The following EFCAB12 variants were observed in gnomAD, a reference collection of about 807,000 sequenced individuals.
The protein encoded by EFCAB12 is EF-hand calcium-binding domain-containing protein 12.
EFCAB12 carries 43 observed loss-of-function variants against 53.6 expected under a neutral mutation model. The observed-to-expected ratio is 0.80, with a 90% CI of 0.63 to 1.03. EFCAB12 has a LOEUF of 1.03. EFCAB12 is among the 50% of genes least tolerant of loss of function. The probability of loss-of-function intolerance (pLI) is 0.00; values close to 1 mark genes in which losing one functional copy is unlikely to be tolerated. For missense variants in EFCAB12, 646 were observed against 730.6 expected, an observed-to-expected ratio of 0.88 and a Z score of 1.34; for synonymous variants, 269 against 289.2, an observed-to-expected ratio of 0.93 and a Z score of 0.71.
chr3:129,427,091 C>G (rs2072282448), intron 1 of EFCAB12, among the ~76,000 whole-genome samples: 1 of 152,180 alleles, frequency 6.6e-6, no homozygotes, highest in South Asian at 2.1e-4. Flanking sequence ...TCGTGATCCA[C>G]CCACCTCAGC....
intron 4 of EFCAB12, chr3:129,411,736 C>T (rs1330584783): frequency 6.2e-6 from 1 of 161,738 alleles, no homozygotes; most frequent in Non-Finnish European, 1.3e-5. Flanking sequence ...AGATCGAGAC[C>T]ATCCTGGCTA....
At position 129,421,808 on chromosome 3, in the gene EFCAB12, G is replaced by A. The variant is rs1287626595; in HGVS notation, c.50-5C>T. The A allele has an allele frequency of 6.2e-7, 1 of 1,600,454 alleles. No homozygotes were observed. The highest frequency in any genetic ancestry group is 1.1e-5 in the South Asian group (1 of 90,362). On this transcript the variant is annotated splice_polypyrimidine_tract_variant and splice_region_variant and intron_variant, in intron 1 of 8. Transcript: ENST00000505956. The stretch of plus-strand genomic sequence containing the variant: ...GAGTCTTAGACGGGCAGAGTCCTTG[G>A]GGTAAGAGAGTTAAAAGATGAGTTT...
At chr3:129,406,099 C>A (rs1467032916) in intron 6 of EFCAB12, among the ~76,000 whole-genome samples, 1 of 150,940 alleles carries the variant, frequency 6.6e-6, no homozygotes. Flanking sequence ...GACAAAGAAG[C>A]ACAGAGGGGA....
chr3:129,426,022 TCA>T (rs2072266550), intron 1 of EFCAB12, among the ~76,000 whole-genome samples: 1 of 152,212 alleles, frequency 6.6e-6, no homozygotes, highest in Non-Finnish European at 1.5e-5. Context: ...CTCTCTTTTC[TCA>T]GACAGCCTAT....
At chr3:129,403,655 A>C (rs1577034779) in intron 7 of EFCAB12, 1 of 152,294 alleles carries the variant, frequency 6.6e-6, no homozygotes, top group South Asian at 2.1e-4. Context: ...GCAGTCACCC[A>C]CGGATGCTGC....
In EFCAB12 at chr3:129,409,893, A is replaced by G. The variant is rs1376105764; in HGVS notation, c.1036-1035T>C. ...TTTTCTTGTCATGCAACTGAATCAA[A>G]TCTTAGTAGATATAGCACTTAGCAA... On this transcript the variant is annotated intron_variant, in intron 5 of 8. Transcript: ENST00000505956. 2.6e-5 allele frequency among the ~76,000 whole-genome samples: 4 copies of G among 152,222 alleles called. No homozygotes were observed. The East Asian group carries it at 5.8e-4, about 22-fold the overall frequency.
Position 129,428,624 on chromosome 3 carries a change from G to A in EFCAB12, c.-136C>T, listed in dbSNP as rs923370887. Reference sequence around the variant, plus strand: ...CGAAAGGCGCTCAGCTCAGACTGCAGAAGCAACCTGTTGCCGTGGCTACGG... The same window carrying A: ...CGAAAGGCGCTCAGCTCAGACTGCAAAAGCAACCTGTTGCCGTGGCTACGG... On this transcript the variant is annotated 5_prime_UTR_variant, in exon 1 of 9. Coordinates refer to ENST00000505956, the MANE Select transcript of EFCAB12 (RefSeq NM_207307.3). 3.7e-6 allele frequency: 4 copies of A among 1,085,254 alleles called. No homozygotes were observed. Among genetic ancestry groups the A allele is most frequent in the Admixed American group, 2.7e-5 (1 of 37,530 alleles). 67.2% of individuals were successfully genotyped at this position (1,085,254 alleles called of 1,614,324 possible).
At chr3:129,417,685 T>C (rs765306261) in intron 3 of EFCAB12, among the ~76,000 whole-genome samples, 2 of 152,214 alleles carry the variant, frequency 1.3e-5, no homozygotes, top group Non-Finnish European at 2.9e-5. Flanking sequence ...ACTCAAAATA[T>C]GTGGCTGGTG....
In EFCAB12 at chr3:129,401,820, G is replaced by T. The variant is rs761851254; in HGVS notation, c.1492C>A (p.Gln498Lys). The change falls in exon 9 of 9, where the codon CAG becomes AAG. Residue 498 changes from glutamine (Q) to lysine (K), a missense_variant. Gln to Lys is a moderately conservative substitution (Grantham distance 53). Transcript: ENST00000505956. ...KLKVKRSSGL[Q>K]QTHPNSFWPG... The stretch of plus-strand genomic sequence containing the variant: ...CAGAAGGAATTGGGGTGTGTTTGCT[G>T]CAGACCACTGGACCTCTTCACCTTC... 6.2e-7 allele frequency: 1 copy of T among 1,613,304 alleles called. No individual in the cohort carries two copies. The highest frequency in any genetic ancestry group is 8.5e-7 in the Non-Finnish European group (1 of 1,179,540).
At chr3:129,419,339 C>T (rs951842518) in intron 2 of EFCAB12, among the ~76,000 whole-genome samples, 11 of 152,110 alleles carry the variant, frequency 7.2e-5, no homozygotes, top group African/African-American at 2.7e-4. Flanking sequence ...ACCAGGAGTT[C>T]GTTGGAAATG....
At chr3:129,405,285 C>T (rs1421049645) in intron 6 of EFCAB12, among the ~76,000 whole-genome samples, 2 of 152,084 alleles carry the variant, frequency 1.3e-5, no homozygotes, top group Admixed American at 1.3e-4. Flanking sequence ...CATGAAAGCT[C>T]ATGTTCTAGA....
In EFCAB12 at chr3:129,421,410, C is replaced by G. The variant is rs189462288; in HGVS notation, c.443G>C (p.Ser148Thr). Residue 148 changes from serine (S) to threonine (T), a missense_variant, in exon 2 of 9, where the codon AGT becomes ACT. Transcript: ENST00000505956. ...TGCCTGGGAGGCATTTGGCTGGGCA[C>G]TCTGCTCCTCGTGGATCATGTGTAA... ...KVLHMIHEEQ[S>T]AQPNASQATT... The G allele has an allele frequency of 2.5e-6, 4 of 1,612,934 alleles. No individual in the cohort carries two copies. The highest frequency in any genetic ancestry group is 8.5e-7 in the Non-Finnish European group (1 of 1,179,154).
At position 129,420,203 on chromosome 3, in the gene EFCAB12, CAAT is replaced by C. The variant is rs145526932; in HGVS notation, c.486+1161_486+1163del. Among the ~76,000 whole-genome samples, 301 of 152,270 alleles carry C rather than the reference CAAT, an allele frequency of 2.0e-3. 1 individual carries two copies. The highest frequency in any genetic ancestry group is 6.3e-3 in the African/African-American group (262 of 41,556). ...AACCCAATGGACACTTGTGAGATTA[CAAT>C]AATAATACAGATGGAAATCATGTTT... On this transcript the variant is annotated intron_variant, in intron 2 of 8. Coordinates refer to ENST00000505956, the MANE Select transcript of EFCAB12 (RefSeq NM_207307.3).
In EFCAB12 at chr3:129,415,393, G is replaced by T; in HGVS notation, c.690C>A (p.Val230=). The change falls in exon 4 of 9, where the codon GTC becomes GTA. Residue 230 remains valine, a synonymous_variant. Coordinates refer to ENST00000505956, the MANE Select transcript of EFCAB12 (RefSeq NM_207307.3). ...EFIAAVKAVG[V]PLKNQEVEDI... is the part of the protein sequence containing the mutation. ...CCTCCACCTCTTGGTTCTTCAGAGG[G>T]ACTCCGACCTGAGGAGAGAGAAGAC... 1.2e-6 allele frequency: 2 copies of T among 1,613,628 alleles called. No individual in the cohort carries two copies. The highest frequency in any genetic ancestry group is 2.2e-5 in the South Asian group (2 of 91,022).
chr3:129,423,020 A>T (rs1273898911), intron 1 of EFCAB12, among the ~76,000 whole-genome samples: 1 of 152,128 alleles, frequency 6.6e-6, no homozygotes, highest in African/African-American at 2.4e-5. Flanking sequence ...GAACTCAGTA[A>T]ATATTTGGTG....
Position 129,416,742 on chromosome 3 carries a change from C to T in EFCAB12, c.682-1341G>A, listed in dbSNP as rs149117830. 2.2e-3 allele frequency among the ~76,000 whole-genome samples: 330 copies of T among 152,186 alleles called. 1 individual carries two copies. Among genetic ancestry groups the T allele is most frequent in the African/African-American group, 6.8e-3 (281 of 41,520 alleles). On this transcript the variant is annotated intron_variant, in intron 3 of 8. Coordinates refer to ENST00000505956, the MANE Select transcript of EFCAB12 (RefSeq NM_207307.3). Reference sequence around the variant, plus strand: ...ATAGCTCACTGCAGCCTCTAACTCCCGGGCTCAAGTGATCCTCCCATCTGA... The same window carrying T: ...ATAGCTCACTGCAGCCTCTAACTCCTGGGCTCAAGTGATCCTCCCATCTGA...
intron 1 of EFCAB12, among the ~76,000 whole-genome samples, chr3:129,423,958 T>C (rs893109275): frequency 2.6e-5 from 4 of 152,198 alleles, no homozygotes; most frequent in Admixed American, 6.5e-5. Flanking sequence ...CCTTTGAGAC[T>C]CAGCTCAGGC....
At chr3:129,424,116 T>A (rs1045028427) in intron 1 of EFCAB12, among the ~76,000 whole-genome samples, 1 of 152,178 alleles carries the variant, frequency 6.6e-6, no homozygotes, top group Non-Finnish European at 1.5e-5. Context: ...AGCCTGTGAG[T>A]TTCCCAGTGA....
intron 6 of EFCAB12, 28 bp downstream of exon 6, chr3:129,408,617 T>C (rs1488379308): frequency 6.4e-7 from 1 of 1,552,064 alleles, no homozygotes; most frequent in African/African-American, 1.4e-5. Flanking sequence ...CTTGGCATCT[T>C]CCTAGGGCCA....
Sources: gnomAD v4.1 joint callset for allele counts (sites outside exome capture counted in the v4.1 genomes callset) on GRCh38, gnomAD v4.1.1 for gene constraint, MANE v1.5 for transcripts, NCBI Gene and HGNC (gene_info 2026-07-23, HGNC 2026-07-21) for gene names.